PANK1: variants seen among roughly 807,000 people sequenced by gnomAD.
PANK1 encodes pantothenate kinase 1.
In PANK1, 18 loss-of-function variants were observed where a neutral mutation model predicts 40.1. That is an observed-to-expected ratio of 0.45 (90% CI 0.31 to 0.67). PANK1 has a LOEUF of 0.67. PANK1 is among the 30% of genes least tolerant of loss of function. The pLI is 0.06. For missense variants in PANK1, 457 were observed against 599.6 expected (o/e 0.76, Z 2.48); for synonymous variants, 242 against 237.7 (o/e 1.02, Z -0.17).
At chr10:89,622,222 G>GT (rs1417850833) in intron 1 of PANK1, among the ~76,000 whole-genome samples, 7 of 152,178 alleles carry the variant, frequency 4.6e-5, no homozygotes, top group African/African-American at 1.7e-4. Flanking sequence ...CCCTAATACT[G>GT]TAAAGAAACC....
intron 5 of PANK1, among the ~76,000 whole-genome samples, chr10:89,591,653 G>GCGA (rs1844391151): frequency 6.6e-6 from 1 of 152,192 alleles, no homozygotes; most frequent in Non-Finnish European, 1.5e-5. Flanking sequence ...TGGCCCCAAG[G>GCGA]CGACTGGTGA....
At chr10:89,636,507 A>G (rs1159206507) in intron 1 of PANK1, among the ~76,000 whole-genome samples, 1 of 151,944 alleles carries the variant, frequency 6.6e-6, no homozygotes, top group Non-Finnish European at 1.5e-5. Context: ...GCTGGAGTGC[A>G]GTGGTGCGAT....
intron 2 of PANK1, among the ~76,000 whole-genome samples, chr10:89,602,500 C>G (rs1469562318): frequency 2.0e-5 from 2 of 100,790 alleles, no homozygotes; most frequent in Non-Finnish European, 3.9e-5. Context: ...GTGAGTCATA[C>G]TGCTACTTGG....
At chr10:89,579,810 A>G (rs759175445), downstream of PANK1, 2 of 152,220 alleles carry the variant, frequency 1.3e-5, no homozygotes, top group African/African-American at 2.4e-5. Context: ...CTTCAAGTTT[A>G]TCTCCATTAA....
At position 89,611,984 on chromosome 10, in the gene PANK1, C is replaced by G; in HGVS notation, c.357G>C (p.Lys119Asn). The G allele has an allele frequency of 6.2e-7, 1 of 1,614,130 alleles. No individual in the cohort carries two copies. The highest frequency in any genetic ancestry group is 8.5e-7 in the Non-Finnish European group (1 of 1,180,032). ...CTTGCTCCTCTTCGGCTGTAATATC[C>G]TTCGGCTCGAAATACACCAATTTAA... ...TLVKLVYFEP[K>N]DITAEEEQEE... Residue 119 changes from lysine (K) to asparagine (N), a missense_variant, in exon 2 of 7, where the codon AAG (lysine) becomes AAC (asparagine). By Grantham distance (94) the Lys-to-Asn change is moderately conservative. This residue lies in a region of PANK1 where 286 missense variants were observed against 415.8 expected (regional missense o/e 0.69). Coordinates refer to ENST00000307534, the MANE Select transcript of PANK1 (RefSeq NM_148977.3).
intron 1 of PANK1, among the ~76,000 whole-genome samples, chr10:89,643,041 G>A (rs1228890405): frequency 1.3e-5 from 2 of 152,114 alleles, no homozygotes; most frequent in Non-Finnish European, 2.9e-5. Flanking sequence ...GTTTTTCTCT[G>A]TCTTCAAGAT....
At chr10:89,611,627 G>C in intron 2 of PANK1, 69 bp downstream of exon 2, 1 of 1,128,920 alleles carries the variant, frequency 8.9e-7, no homozygotes, top group Admixed American at 2.3e-5. Flanking sequence ...ATGGTTCTTC[G>C]GTATGAGTGG....
rs142931415 is a variant in PANK1 at position 89,594,092 on chromosome 10, G to A, written c.900-103C>T. The A allele has an allele frequency of 5.6e-3, 4,210 of 747,264 alleles. 130 individuals carry two copies. The highest frequency in any genetic ancestry group is 9.8e-3 in the East Asian group (367 of 37,564). 46.3% of individuals were successfully genotyped at this position (747,264 alleles called of 1,614,324 possible). A position where few individuals can be genotyped will look rare whatever the true frequency, so the allele number is the denominator to read the frequency against. On this transcript the variant is annotated intron_variant, in intron 3 of 6. Coordinates refer to ENST00000307534, the MANE Select transcript of PANK1 (RefSeq NM_148977.3). The stretch of plus-strand genomic sequence containing the variant: ...TTAATATGGGTGAATAAAAGCAGAC[G>A]AACAAAGGGGCACTTGAATTAAAGT...
intron 4 of PANK1, among the ~76,000 whole-genome samples, 188 bp downstream of exon 4, chr10:89,593,624 TA>T (rs1390899164): frequency 2.0e-5 from 3 of 152,182 alleles, no homozygotes; most frequent in Admixed American, 1.3e-4. Flanking sequence ...TGCCTTATTT[TA>T]AGAACAAGCA....
intron 5 of PANK1, among the ~76,000 whole-genome samples, chr10:89,592,078 C>T (rs1052194028): frequency 9.2e-5 from 14 of 152,156 alleles, no homozygotes; most frequent in Non-Finnish European, 2.9e-5. Flanking sequence ...TACATTGAGT[C>T]CCATGACTCA....
At chr10:89,628,141 GA>G (rs1841527659) in intron 1 of PANK1, among the ~76,000 whole-genome samples, 1 of 152,186 alleles carries the variant, frequency 6.6e-6, no homozygotes, top group Admixed American at 6.5e-5. Flanking sequence ...GTTAAACAAA[GA>G]GTTACTATAT....
chr10:89,638,592 T>C (rs1184479680), intron 1 of PANK1, among the ~76,000 whole-genome samples: 4 of 152,268 alleles, frequency 2.6e-5, no homozygotes, highest in Admixed American at 6.5e-5. Context: ...TTTTCCTGTA[T>C]GCAGTTAATA....
chr10:89,642,550 G>A (rs1841999025), intron 1 of PANK1, among the ~76,000 whole-genome samples: 1 of 152,192 alleles, frequency 6.6e-6, no homozygotes, highest in African/African-American at 2.4e-5. Context: ...CAGCAAATAG[G>A]AATAAGCTTA....
chr10:89,641,056 G>A (rs1030867391), intron 1 of PANK1, among the ~76,000 whole-genome samples: 1 of 152,202 alleles, frequency 6.6e-6, no homozygotes, highest in Non-Finnish European at 1.5e-5. Flanking sequence ...TGACAAACTT[G>A]GGAATTTGAC....
intron 5 of PANK1, among the ~76,000 whole-genome samples, chr10:89,591,995 T>C (rs959025306): frequency 6.6e-6 from 1 of 152,170 alleles, no homozygotes; most frequent in African/African-American, 2.4e-5. Context: ...ACTACACACA[T>C]ATTGGTCTTG....
chr10:89,592,320 T>A (rs765552993), intron 5 of PANK1, among the ~76,000 whole-genome samples: 9 of 152,200 alleles, frequency 5.9e-5, no homozygotes, highest in Non-Finnish European at 1.0e-4. Flanking sequence ...AACATTCAAC[T>A]ATTCAACTGA....
At chr10:89,595,261 G>A (rs1044807456) in intron 3 of PANK1, among the ~76,000 whole-genome samples, 2 of 151,960 alleles carry the variant, frequency 1.3e-5, no homozygotes, top group African/African-American at 4.8e-5. Flanking sequence ...GACCAGCCTG[G>A]CCAACAAGGT....
chr10:89,586,255 G>C (rs763045695), intron 6 of PANK1, among the ~76,000 whole-genome samples: 1 of 152,038 alleles, frequency 6.6e-6, no homozygotes, highest in Non-Finnish European at 1.5e-5. Flanking sequence ...ATTTTTTATT[G>C]CTAAAAATGG....
chr10:89,579,755 A>G (rs1043643662), downstream of PANK1: 3 of 152,026 alleles, frequency 2.0e-5, no homozygotes, highest in African/African-American at 7.2e-5. Context: ...CTTAATAGCA[A>G]TTGTCACTCC....
Sources: gnomAD v4.1 joint callset for allele counts (sites outside exome capture counted in the v4.1 genomes callset) on GRCh38, gnomAD v4.1.1 for gene constraint, gnomAD v4.1.1 regional missense constraint, MANE v1.5 for transcripts, NCBI Gene and HGNC (gene_info 2026-07-23, HGNC 2026-07-21) for gene names.